Variants in ASTN2 observed in about 807,000 individuals in gnomAD.
The protein encoded by ASTN2 is astrotactin-2.
ASTN2 carries 54 observed loss-of-function variants against 139.8 expected under a neutral mutation model. That is an observed-to-expected ratio of 0.39 (90% CI 0.31 to 0.48). ASTN2 has a LOEUF of 0.48. Among genes scored for constraint, ASTN2 ranks in the 20% least tolerant of loss-of-function variants. The probability of loss-of-function intolerance (pLI) is 0.95; values close to 1 mark genes in which losing one functional copy is unlikely to be tolerated. For synonymous variants in ASTN2, 756 were observed against 719.5 expected, an observed-to-expected ratio of 1.05 and a Z score of -0.81; for missense variants, 1,565 against 1,725.1, an observed-to-expected ratio of 0.91 and a Z score of 1.64.
chr9:116,736,342 G>A (rs572411019), intron 13 of ASTN2, among the ~76,000 whole-genome samples: 6 of 152,316 alleles, frequency 3.9e-5, no homozygotes, highest in Admixed American at 2.0e-4. Flanking sequence ...GAATATAGAA[G>A]GGTTAATATT....
intron 1 of ASTN2, among the ~76,000 whole-genome samples, chr9:117,328,874 T>C (rs1233940497): frequency 2.6e-5 from 4 of 152,200 alleles, no homozygotes; most frequent in Non-Finnish European, 5.9e-5. Flanking sequence ...GAGAGCCATC[T>C]CATGGCGAGG....
chr9:116,501,155 C>G (rs897823453), intron 19 of ASTN2, among the ~76,000 whole-genome samples: 2 of 152,136 alleles, frequency 1.3e-5, no homozygotes, highest in Admixed American at 1.3e-4. Context: ...AGCTCCAAAC[C>G]CAAGTCTGAC....
intron 2 of ASTN2, among the ~76,000 whole-genome samples, chr9:117,255,882 G>C (rs975667796): frequency 2.6e-5 from 4 of 152,142 alleles, no homozygotes; most frequent in Non-Finnish European, 4.4e-5. Flanking sequence ...GTCTCTGTTG[G>C]AAATGGAGCA....
At chr9:116,748,185 G>A (rs1357003494) in intron 13 of ASTN2, among the ~76,000 whole-genome samples, 1 of 152,182 alleles carries the variant, frequency 6.6e-6, no homozygotes, top group Non-Finnish European at 1.5e-5. Context: ...CTGTTTTCCA[G>A]ATGCTATAAA....
At chr9:117,366,451 A>G (rs913210905) in intron 1 of ASTN2, among the ~76,000 whole-genome samples, 3 of 152,136 alleles carry the variant, frequency 2.0e-5, no homozygotes, top group African/African-American at 4.8e-5. Context: ...CAAAAGGTTA[A>G]TGGGACTTTC....
chr9:116,904,880 T>G (rs963807964), intron 10 of ASTN2, among the ~76,000 whole-genome samples: 1 of 152,166 alleles, frequency 6.6e-6, no homozygotes, highest in Non-Finnish European at 1.5e-5. Context: ...CATTTGGTGG[T>G]AACGTTACAG....
chr9:116,864,468 C>G (rs1016782757), intron 10 of ASTN2, among the ~76,000 whole-genome samples: 3 of 152,172 alleles, frequency 2.0e-5, no homozygotes, highest in African/African-American at 7.2e-5. Context: ...TAAGACTAGA[C>G]TTGATACCAT....
intron 10 of ASTN2, among the ~76,000 whole-genome samples, chr9:116,871,453 A>G (rs574074693): frequency 6.6e-6 from 1 of 152,326 alleles, no homozygotes; most frequent in South Asian, 2.1e-4. Flanking sequence ...TGCCTCTATC[A>G]TAAGTCCCTG....
intron 3 of ASTN2, among the ~76,000 whole-genome samples, chr9:117,142,037 A>G (rs774609108): frequency 1.3e-5 from 2 of 152,198 alleles, no homozygotes; most frequent in Non-Finnish European, 2.9e-5. Context: ...TGGAAGGAGA[A>G]GCATGTGTGA....
intron 19 of ASTN2, among the ~76,000 whole-genome samples, chr9:116,569,617 C>T (rs1020510758): frequency 6.6e-6 from 1 of 152,166 alleles, no homozygotes; most frequent in African/African-American, 2.4e-5. Context: ...CTTCAATTCA[C>T]ATTTGGGTTC....
intron 2 of ASTN2, among the ~76,000 whole-genome samples, chr9:117,260,100 A>G (rs964721305): frequency 3.3e-5 from 5 of 151,784 alleles, no homozygotes; most frequent in Admixed American, 2.0e-4. Context: ...TGGAATTCTC[A>G]TGGGCTTGGG....
chr9:117,374,369 T>TAAAAAAAAAAA (rs57428022), intron 1 of ASTN2, among the ~76,000 whole-genome samples: 4 of 87,340 alleles, frequency 4.6e-5, no homozygotes, highest in African/African-American at 5.5e-5. Flanking sequence ...AGGGCAGGGT[T>TAAAAAAAAAAA]AAAAAAAAAA....
At chr9:117,320,488 G>C (rs950823358) in intron 1 of ASTN2, among the ~76,000 whole-genome samples, 1 of 152,116 alleles carries the variant, frequency 6.6e-6, no homozygotes, top group Non-Finnish European at 1.5e-5. Flanking sequence ...TGAGGGGTAA[G>C]GATTACTATA....
chr9:116,797,431 G>C (rs1830731321), intron 13 of ASTN2, among the ~76,000 whole-genome samples: 1 of 152,086 alleles, frequency 6.6e-6, no homozygotes, highest in African/African-American at 2.4e-5. Context: ...CAGTTCAGGA[G>C]TCAGAATGCC....
At chr9:116,962,489 T>C (rs368731123) in intron 10 of ASTN2, among the ~76,000 whole-genome samples, 2 of 152,324 alleles carry the variant, frequency 1.3e-5, no homozygotes, top group Middle Eastern at 3.4e-3. Flanking sequence ...TGGTATTACT[T>C]GATGTCTTCA....
intron 19 of ASTN2, among the ~76,000 whole-genome samples, chr9:116,616,119 T>C (rs867584102): frequency 6.6e-6 from 1 of 152,312 alleles, no homozygotes; most frequent in East Asian, 1.9e-4. Context: ...GAAAGAAATA[T>C]AATTGTCTCT....
intron 10 of ASTN2, among the ~76,000 whole-genome samples, chr9:116,926,189 G>A (rs1013542961): frequency 1.3e-5 from 2 of 152,074 alleles, no homozygotes; most frequent in African/African-American, 4.8e-5. Flanking sequence ...AAATACTACA[G>A]TGTCTAAGAA....
intron 2 of ASTN2, among the ~76,000 whole-genome samples, chr9:117,286,604 T>A (rs1181070948): frequency 1.3e-5 from 2 of 152,210 alleles, no homozygotes; most frequent in Non-Finnish European, 2.9e-5. Flanking sequence ...GGGCCCATAA[T>A]AGCTTGTTCT....
chr9:116,539,066 C>T (rs1851768503), intron 19 of ASTN2, among the ~76,000 whole-genome samples: 1 of 152,068 alleles, frequency 6.6e-6, no homozygotes, highest in Non-Finnish European at 1.5e-5. Context: ...ACCTTGAGAA[C>T]TAAGTGAAGA....
Sources: gnomAD v4.1 joint callset for allele counts (sites outside exome capture counted in the v4.1 genomes callset) on GRCh38, gnomAD v4.1.1 for gene constraint, MANE v1.5 for transcripts, NCBI Gene and HGNC (gene_info 2026-07-23, HGNC 2026-07-21) for gene names.